LRRC74B: variants seen among roughly 807,000 people sequenced by gnomAD.
LRRC74B encodes leucine rich repeat containing 74B.
LRRC74B carries 30 observed loss-of-function variants against 16.6 expected under a neutral mutation model. That is an observed-to-expected ratio of 1.80 (90% CI 1.35 to 2.45). LRRC74B has a LOEUF of 2.45. LRRC74B is among the 30% of genes most tolerant of loss of function. LRRC74B has a pLI of 0.00. For synonymous variants in LRRC74B, 134 were observed against 86.0 expected (o/e 1.56, Z -3.09); for missense variants, 326 against 202.4 (o/e 1.61, Z -3.71).
chr22:21,054,177 T>C (rs189435856), intron 6 of LRRC74B, among the ~76,000 whole-genome samples: 57 of 152,292 alleles, frequency 3.7e-4, no homozygotes, highest in African/African-American at 1.3e-3. Flanking sequence ...AATCTAAAAA[T>C]TGTCCATTTC....
intron 6 of LRRC74B, among the ~76,000 whole-genome samples, chr22:21,054,662 G>A (rs1317052821): frequency 2.0e-5 from 3 of 152,268 alleles, no homozygotes; most frequent in Non-Finnish European, 4.4e-5. Flanking sequence ...TGAGAAGTCA[G>A]AGAGAAGCGG....
At chr22:21,055,048 C>A in intron 6 of LRRC74B, 50 bp from the exon 7 acceptor site, 1 of 711,492 alleles carries the variant, frequency 1.4e-6, no homozygotes, top group South Asian at 1.5e-5. Context: ...GGGCTCTGCA[C>A]CGCTGCTTGG....
chr22:21,052,841 G>T (rs1244002515), intron 5 of LRRC74B, among the ~76,000 whole-genome samples: 1 of 152,172 alleles, frequency 6.6e-6, no homozygotes, highest in African/African-American at 2.4e-5. Context: ...ATACCCTGTG[G>T]GGCCCTCCTC....
intron 8 of LRRC74B, among the ~76,000 whole-genome samples, chr22:21,057,949 T>C (rs1260530566): frequency 6.6e-6 from 1 of 151,202 alleles, no homozygotes; most frequent in Non-Finnish European, 1.5e-5. Flanking sequence ...GCAGTGGTGC[T>C]ATATTGGCTC....
intron 3 of LRRC74B, 199 bp downstream of exon 3, chr22:21,048,215 T>C (rs1929656064): frequency 3.5e-6 from 2 of 574,452 alleles, no homozygotes; most frequent in African/African-American, 3.7e-5. Context: ...ATAGAAGTCC[T>C]TTCCTCACCC....
intron 4 of LRRC74B, among the ~76,000 whole-genome samples, chr22:21,051,969 TCTC>T (rs1569197774): frequency 6.6e-6 from 1 of 152,194 alleles, no homozygotes; most frequent in African/African-American, 2.4e-5. Flanking sequence ...TCCTGAGTTA[TCTC>T]CTCTGTCCTC....
intron 4 of LRRC74B, 119 bp from the exon 5 acceptor site, chr22:21,052,130 T>A (rs1930111699): frequency 1.5e-6 from 1 of 667,348 alleles, no homozygotes; most frequent in East Asian, 2.7e-5. Context: ...CAGGCCCACA[T>A]TAGTTTCATG....
chr22:21,061,022 A>G (rs1930783317), downstream of LRRC74B, among the ~76,000 whole-genome samples: 4 of 152,168 alleles, frequency 2.6e-5, no homozygotes, highest in South Asian at 8.3e-4. Context: ...TGTATAAAAG[A>G]TTGATGCCTA....
chr22:21,053,333 C>T, intron 5 of LRRC74B, 27 bp from the exon 6 acceptor site: 1 of 714,522 alleles, frequency 1.4e-6, no homozygotes, highest in Middle Eastern at 2.3e-4. Flanking sequence ...AGATGGGGTC[C>T]CATGACTTCA....
intron 7 of LRRC74B, among the ~76,000 whole-genome samples, chr22:21,056,036 C>G (rs1930496766): frequency 6.6e-6 from 1 of 152,174 alleles, no homozygotes; most frequent in African/African-American, 2.4e-5. Flanking sequence ...TCTGCAGGGG[C>G]TCACCCTGCT....
chr22:21,060,871 G>T (rs545781784), downstream of LRRC74B, among the ~76,000 whole-genome samples: 4 of 152,160 alleles, frequency 2.6e-5, no homozygotes, highest in Non-Finnish European at 5.9e-5. Flanking sequence ...GTAAGGAGGG[G>T]TGCACACTCT....
At chr22:21,048,168 G>A (rs1486654184) in intron 3 of LRRC74B, 152 bp downstream of exon 3, 7 of 643,990 alleles carry the variant, frequency 1.1e-5, no homozygotes, top group African/African-American at 1.1e-4. Context: ...GGGCATGTGG[G>A]GTGGAGTTAG....
downstream of LRRC74B, chr22:21,061,681 T>G (rs1487744399): frequency 6.6e-6 from 1 of 152,224 alleles, no homozygotes. Flanking sequence ...CCTCAAAAGC[T>G]TAATCATAGA....
At chr22:21,046,852 G>T (rs1234625192) in intron 1 of LRRC74B, among the ~76,000 whole-genome samples, 15 of 151,988 alleles carry the variant, frequency 9.9e-5, no homozygotes, top group Non-Finnish European at 1.6e-4. Context: ...AGCACTTTGG[G>T]AGGCCCAGGC....
rs576313265 is a variant in LRRC74B, at chr22:21,048,771, G to A, written c.416-180G>A. On this transcript the variant is annotated intron_variant, in intron 3 of 8. Coordinates refer to ENST00000442047, the Ensembl canonical transcript of LRRC74B. The stretch of plus-strand genomic sequence containing the variant: ...ACAGAAGCTGGTGGGCACACAGGGA[G>A]GGGGAGGTCAGGGGCAGAGGGGACC... The A allele has an allele frequency of 1.2e-4, 73 of 599,638 alleles. 2 individuals carry two copies. In the South Asian group the frequency reaches 1.5e-3, roughly 12 times the overall value. The allele number at this position is 599,638 out of a possible 1,614,324, so 37.1% of individuals were successfully genotyped here.
chr22:21,051,197 C>T (rs921803480), intron 4 of LRRC74B, among the ~76,000 whole-genome samples: 5 of 152,114 alleles, frequency 3.3e-5, no homozygotes, highest in African/African-American at 1.2e-4. Context: ...GCCTGTTTCC[C>T]TGTTATGATG....
At position 21,060,261 on chromosome 22, in the gene LRRC74B, C is replaced by G. The variant is rs9613587; in HGVS notation, c.1024-112C>G. 9 of 613,072 alleles carry G rather than the reference C, an allele frequency of 1.5e-5. No individual in the cohort carries two copies. The African/African-American group carries it at 1.5e-4, about 10-fold the overall frequency. The allele number at this position is 613,072 out of a possible 1,614,324, so 38.0% of individuals were successfully genotyped here. On this transcript the variant is annotated intron_variant, in intron 8 of 8. Coordinates refer to ENST00000442047, the Ensembl canonical transcript of LRRC74B. ...TTTGCGGGTATGAGACTGTCATCCA[C>G]AGGGGAGAAGCTGCCCGAAGGAGCT...
At chr22:21,062,051 A>T (rs1471526995), downstream of LRRC74B, 1 of 152,374 alleles carries the variant, frequency 6.6e-6, no homozygotes, top group South Asian at 2.1e-4. Context: ...GGACGGACAC[A>T]TGCTGAAAAC....
chr22:21,048,167 G>A (rs1929650953), intron 3 of LRRC74B, 151 bp downstream of exon 3: 5 of 646,282 alleles, frequency 7.7e-6, no homozygotes, highest in Admixed American at 2.2e-5. Context: ...GGGGCATGTG[G>A]GGTGGAGTTA....
Sources: allele counts gnomAD v4.1 joint callset (sites outside exome capture counted in the v4.1 genomes callset), GRCh38; gene constraint gnomAD v4.1.1; transcripts MANE v1.5; gene names NCBI Gene and HGNC (gene_info 2026-07-23, HGNC 2026-07-21).